KLHL32: variants seen among roughly 807,000 people sequenced by gnomAD.
The protein encoded by KLHL32 is kelch like family member 32.
KLHL32 carries 35 observed loss-of-function variants against 64.8 expected under a neutral mutation model. The ratio of observed to expected loss-of-function variants is 0.54; its 90% CI spans 0.41 to 0.72. The LOEUF (loss-of-function observed/expected upper bound fraction) is 0.72. KLHL32 is among the 30% of genes least tolerant of loss of function. KLHL32 has a pLI of 0.00. For missense variants in KLHL32, 589 were observed against 768.5 expected (o/e 0.77, Z 2.76); for synonymous variants, 259 against 281.0 (o/e 0.92, Z 0.78).
chr6:96,946,756 A>T (rs1229554139), intron 1 of KLHL32, among the ~76,000 whole-genome samples: 3 of 152,158 alleles, frequency 2.0e-5, no homozygotes, highest in Non-Finnish European at 2.9e-5. Flanking sequence ...CTAATGAGAT[A>T]ACAGCTCTTA....
At chr6:97,030,933 C>T (rs537817078) in intron 3 of KLHL32, among the ~76,000 whole-genome samples, 4 of 152,272 alleles carry the variant, frequency 2.6e-5, no homozygotes, top group Admixed American at 1.3e-4. Context: ...GTATTTATTG[C>T]ATGTATGCAC....
chr6:97,115,054 T>C (rs1019707086), intron 7 of KLHL32, among the ~76,000 whole-genome samples: 3 of 152,230 alleles, frequency 2.0e-5, no homozygotes, highest in African/African-American at 7.2e-5. Context: ...TCACTCTTGT[T>C]ACCCAGGCTG....
intron 6 of KLHL32, among the ~76,000 whole-genome samples, chr6:97,097,064 A>G (rs1214379965): frequency 6.6e-6 from 1 of 152,234 alleles, no homozygotes; most frequent in Non-Finnish European, 1.5e-5. Flanking sequence ...ATAACTCTGC[A>G]CTGTCAGAAC....
At chr6:97,005,359 A>G (rs1779538857) in intron 3 of KLHL32, among the ~76,000 whole-genome samples, 1 of 150,608 alleles carries the variant, frequency 6.6e-6, no homozygotes, top group South Asian at 2.1e-4. Context: ...GTTTTTTTAG[A>G]TCTTCTCTCT....
chr6:96,928,937 A>G (rs1342455020), intron 1 of KLHL32, among the ~76,000 whole-genome samples: 1 of 152,250 alleles, frequency 6.6e-6, no homozygotes, highest in African/African-American at 2.4e-5. Flanking sequence ...GCTGTAAACC[A>G]TTTGAAAAGC....
At chr6:96,913,958 A>C in the KLHL32 span, among the ~76,000 whole-genome samples, 3 of 152,206 alleles carry the variant, frequency 2.0e-5, no homozygotes, top group African/African-American at 7.2e-5. Flanking sequence ...TTTAAAGTAG[A>C]GAGGTTATCC....
intron 4 of KLHL32, among the ~76,000 whole-genome samples, chr6:97,049,249 C>T (rs896639147): frequency 6.6e-6 from 1 of 152,138 alleles, no homozygotes. Flanking sequence ...ACAATTATAA[C>T]AATACACCAG....
intron 1 of KLHL32, among the ~76,000 whole-genome samples, chr6:96,925,242 G>A (rs1299536184): frequency 6.6e-6 from 1 of 152,078 alleles, no homozygotes; most frequent in Admixed American, 6.5e-5. Context: ...CTCCCCCTGA[G>A]CCCAATATGT....
chr6:96,975,252 T>C (rs972627639), intron 2 of KLHL32, among the ~76,000 whole-genome samples: 1 of 152,170 alleles, frequency 6.6e-6, no homozygotes, highest in African/African-American at 2.4e-5. Flanking sequence ...TCTCACAAAG[T>C]AGAACAAAAA....
At chr6:96,955,726 C>T (rs994276075) in intron 1 of KLHL32, among the ~76,000 whole-genome samples, 1 of 152,084 alleles carries the variant, frequency 6.6e-6, no homozygotes, top group Non-Finnish European at 1.5e-5. Flanking sequence ...CATCTGAGGT[C>T]AGGAGTTCGA....
At position 96,935,298 on chromosome 6, in the gene KLHL32, T is replaced by C. The variant is rs188464121; in HGVS notation, c.-66+10272T>C. ...AGGTACAAACCTGCTCAATTCCTAT[T>C]GCAGGAAACTTTTTAATACTTAATA... On this transcript the variant is annotated intron_variant, in intron 1 of 10. Transcript: ENST00000369261. 6.6e-5 allele frequency among the ~76,000 whole-genome samples: 10 copies of C among 152,320 alleles called. No individual in the cohort carries two copies. In the East Asian group the frequency reaches 1.7e-3, roughly 26 times the overall value.
chr6:97,096,529 C>T (rs763255887), intron 6 of KLHL32, among the ~76,000 whole-genome samples: 24 of 152,330 alleles, frequency 1.6e-4, no homozygotes, highest in East Asian at 1.9e-4. Context: ...TGTATAGATG[C>T]AGCTTTATGG....
intron 3 of KLHL32, among the ~76,000 whole-genome samples, chr6:96,983,776 C>T (rs1375797274): frequency 3.3e-5 from 5 of 151,990 alleles, no homozygotes; most frequent in African/African-American, 9.7e-5. Context: ...TTCTTTTCTT[C>T]TTTATTAGTC....
chr6:97,037,389 G>T (rs925014956), intron 3 of KLHL32, among the ~76,000 whole-genome samples: 1 of 143,434 alleles, frequency 7.0e-6, no homozygotes, highest in African/African-American at 2.8e-5. Flanking sequence ...GTATAGACTT[G>T]TGAGGATAAA....
At chr6:97,003,543 A>G (rs551819236) in intron 3 of KLHL32, among the ~76,000 whole-genome samples, 1 of 152,198 alleles carries the variant, frequency 6.6e-6, no homozygotes, top group East Asian at 1.9e-4. Context: ...TGCTTTCGGC[A>G]TCTTTGTCAT....
rs141500475 is a variant in KLHL32, at chr6:97,048,408, G to C, written c.312+6809G>C. 5.9e-5 allele frequency among the ~76,000 whole-genome samples: 9 copies of C among 152,294 alleles called. No homozygotes were observed. In the East Asian group the frequency reaches 1.7e-3, roughly 29 times the overall value. ...AATACATTTCTCTGACCCAGAGAATGCTTCAATACGATCTTTACAAGGAAA... is the reference window on the plus strand; with the variant it reads ...AATACATTTCTCTGACCCAGAGAATCCTTCAATACGATCTTTACAAGGAAA... On this transcript the variant is annotated intron_variant, in intron 4 of 10. Coordinates refer to ENST00000369261, the MANE Select transcript of KLHL32 (RefSeq NM_052904.4).
Position 97,030,473 on chromosome 6 carries a change from G to A in KLHL32, c.205-11019G>A, listed in dbSNP as rs778352698. Among the ~76,000 whole-genome samples the A allele has an allele frequency of 3.9e-5, 6 of 152,274 alleles. No homozygotes were observed. In the South Asian group the frequency reaches 6.2e-4, roughly 16 times the overall value. ...AAGTGGATTATATACTCACAAACTA[G>A]GTTTTCAATTAGAAAGGTTTGTTGT... On this transcript the variant is annotated intron_variant, in intron 3 of 10. Transcript: ENST00000369261.
At chr6:96,911,821 C>CTT in the KLHL32 span, among the ~76,000 whole-genome samples, 20 of 53,518 alleles carry the variant, frequency 3.7e-4, no homozygotes, top group African/African-American at 1.2e-3. Flanking sequence ...CTGCTCGGTC[C>CTT]TTCTTTTTTT....
Position 96,987,187 on chromosome 6 carries a change from G to T in KLHL32, c.204+11010G>T, listed in dbSNP as rs142839042. 6.7e-4 allele frequency among the ~76,000 whole-genome samples: 102 copies of T among 152,186 alleles called. No individual in the cohort carries two copies. In the East Asian group the frequency reaches 0.017, roughly 25 times the overall value. ...TCCTGGATTCATTGATTTTTTGAAGGGTTTTTTGAGTCTCTATTTCCTTCA... is the reference window on the plus strand; with the variant it reads ...TCCTGGATTCATTGATTTTTTGAAGTGTTTTTTGAGTCTCTATTTCCTTCA... On this transcript the variant is annotated intron_variant, in intron 3 of 10. Transcript: ENST00000369261.
Sources: gnomAD v4.1 joint callset for allele counts (sites outside exome capture counted in the v4.1 genomes callset) on GRCh38, gnomAD v4.1.1 for gene constraint, MANE v1.5 for transcripts, NCBI Gene and HGNC (gene_info 2026-07-23, HGNC 2026-07-21) for gene names.